PTPN4: variants seen among roughly 807,000 people sequenced by gnomAD.
PTPN4 encodes the protein tyrosine-protein phosphatase non-receptor type 4.
A neutral mutation model predicts 135.5 loss-of-function variants in PTPN4; 49 were observed. The ratio of observed to expected loss-of-function variants is 0.36; its 90% confidence interval spans 0.29 to 0.46. The LOEUF is 0.46. Among genes scored for constraint, PTPN4 ranks in the 20% least tolerant of loss-of-function variants. The probability of loss-of-function intolerance (pLI) is 1.00; values close to 1 mark genes in which losing one functional copy is unlikely to be tolerated. For synonymous variants in PTPN4, 333 were observed against 369.9 expected (o/e 0.90, Z 1.14); for missense variants, 860 against 1,101.0 (o/e 0.78, Z 3.10).
intron 15 of PTPN4, among the ~76,000 whole-genome samples, chr2:119,942,765 T>C (rs758894984): frequency 6.6e-6 from 1 of 152,212 alleles, no homozygotes; most frequent in Non-Finnish European, 1.5e-5. Flanking sequence ...TCCATCTCTG[T>C]GTGCTCTAAT....
chr2:119,917,339 A>G (rs1678667581), intron 11 of PTPN4, among the ~76,000 whole-genome samples: 1 of 152,242 alleles, frequency 6.6e-6, no homozygotes, highest in South Asian at 2.1e-4. Context: ...GTTCATAAGC[A>G]TGATGATTAG....
intron 1 of PTPN4, among the ~76,000 whole-genome samples, chr2:119,771,965 T>C (rs1180339121): frequency 6.6e-6 from 1 of 152,188 alleles, no homozygotes; most frequent in African/African-American, 2.4e-5. Flanking sequence ...TATCTCTCCA[T>C]CTCTCTATAA....
chr2:119,955,663 T>C (rs890152878), intron 20 of PTPN4, among the ~76,000 whole-genome samples: 11 of 151,932 alleles, frequency 7.2e-5, no homozygotes, highest in Non-Finnish European at 1.6e-4. Flanking sequence ...CTTGGCCAGG[T>C]GTGGTGGCTC....
At chr2:119,786,937 G>A (rs1265756998) in intron 1 of PTPN4, among the ~76,000 whole-genome samples, 1 of 152,170 alleles carries the variant, frequency 6.6e-6, no homozygotes, top group Non-Finnish European at 1.5e-5. Flanking sequence ...TTTAGGTTGG[G>A]CACTTACTAT....
chr2:119,764,821 C>G (rs1375690334), intron 1 of PTPN4, among the ~76,000 whole-genome samples: 3 of 152,052 alleles, frequency 2.0e-5, no homozygotes, highest in East Asian at 1.9e-4. Context: ...AACGTTTACC[C>G]TTGATCACCA....
At chr2:119,842,398 C>G (rs906293953) in intron 2 of PTPN4, among the ~76,000 whole-genome samples, 7 of 152,090 alleles carry the variant, frequency 4.6e-5, no homozygotes, top group Non-Finnish European at 7.4e-5. Context: ...TTGATTTTTA[C>G]TAGGGAAAGT....
At chr2:119,892,065 T>C (rs932163899) in intron 9 of PTPN4, among the ~76,000 whole-genome samples, 1 of 152,196 alleles carries the variant, frequency 6.6e-6, no homozygotes, top group Non-Finnish European at 1.5e-5. Context: ...TAGATAAAAC[T>C]GAACCCTCCC....
intron 9 of PTPN4, among the ~76,000 whole-genome samples, chr2:119,893,654 A>C (rs190935138): frequency 6.6e-6 from 1 of 152,322 alleles, no homozygotes; most frequent in East Asian, 1.9e-4. Context: ...ATTTGAAGAG[A>C]TGAAGAAGAA....
chr2:119,945,362 C>A, intron 16 of PTPN4, 122 bp downstream of exon 16: 1 of 866,248 alleles, frequency 1.2e-6, no homozygotes, highest in Non-Finnish European at 1.7e-6. Context: ...TCTTTTTCAT[C>A]ATATTCTTTG....
At chr2:119,911,070 C>T (rs1678564028) in intron 10 of PTPN4, among the ~76,000 whole-genome samples, 3 of 152,048 alleles carry the variant, frequency 2.0e-5, no homozygotes, top group Admixed American at 2.0e-4. Context: ...CTCCAGGCCC[C>T]TTGTTGTGAA....
chr2:119,968,816 CA>C (rs1330295515), intron 26 of PTPN4, among the ~76,000 whole-genome samples: 1 of 152,006 alleles, frequency 6.6e-6, no homozygotes, highest in African/African-American at 2.4e-5. Context: ...TACGTTGCAA[CA>C]ACAAAAATTA....
At chr2:119,800,879 T>C (rs1001759404) in intron 1 of PTPN4, among the ~76,000 whole-genome samples, 3 of 152,164 alleles carry the variant, frequency 2.0e-5, no homozygotes. Flanking sequence ...GCTGTACTTG[T>C]GTGGTAATTC....
chr2:119,939,698 C>A (rs1294916278), intron 15 of PTPN4, among the ~76,000 whole-genome samples: 1 of 152,132 alleles, frequency 6.6e-6, no homozygotes, highest in Non-Finnish European at 1.5e-5. Context: ...TTTGTCTATA[C>A]CTCTTCAGTT....
At chr2:119,887,503 A>G (rs1195164896) in intron 9 of PTPN4, among the ~76,000 whole-genome samples, 2 of 152,118 alleles carry the variant, frequency 1.3e-5, no homozygotes, top group Admixed American at 1.3e-4. Flanking sequence ...GTATTTTTAT[A>G]GTTTCGGGTA....
chr2:119,980,731 T>C lies in PTPN4; in HGVS notation c.*3661T>C, dbSNP rs1044406623. 1 of 151,966 alleles carries C rather than the reference T, an allele frequency of 6.6e-6. No individual in the cohort carries two copies. Among genetic ancestry groups the C allele is most frequent in the Admixed American group, 6.6e-5 (1 of 15,240 alleles). 9.4% of individuals were successfully genotyped at this position (151,966 alleles called of 1,614,324 possible). ...TTAGAAAATAAGCAGGCTTAAGAAG[T>C]GATTCTAATTAGGACCCCCACTCAG... is the stretch of plus-strand genomic sequence containing the variant. On this transcript the variant is annotated 3_prime_UTR_variant, in exon 27 of 27. Coordinates refer to ENST00000263708, the MANE Select transcript of PTPN4 (RefSeq NM_002830.4).
intron 2 of PTPN4, among the ~76,000 whole-genome samples, chr2:119,844,175 G>A (rs1165108142): frequency 6.7e-5 from 8 of 118,788 alleles, no homozygotes; most frequent in Admixed American, 4.8e-4. Flanking sequence ...CCTCCCTCCC[G>A]GACGGGGCGG....
intron 24 of PTPN4, 77 bp from the exon 25 acceptor site, chr2:119,965,420 G>A: frequency 1.5e-6 from 2 of 1,370,742 alleles, no homozygotes; most frequent in Admixed American, 4.7e-5. Flanking sequence ...CTTCTTTCCT[G>A]ATGAATTTTA....
At chr2:119,775,566 C>T (rs1208428233) in intron 1 of PTPN4, among the ~76,000 whole-genome samples, 2 of 152,158 alleles carry the variant, frequency 1.3e-5, no homozygotes, top group Admixed American at 1.3e-4. Flanking sequence ...GGGCTCATTA[C>T]ACATGATACT....
intron 3 of PTPN4, among the ~76,000 whole-genome samples, chr2:119,866,892 G>A (rs1677841839): frequency 6.6e-6 from 1 of 151,880 alleles, no homozygotes; most frequent in Non-Finnish European, 1.5e-5. Context: ...GCTCTTATTT[G>A]CCTGTTGTGT....
Sources: gnomAD v4.1 joint callset for allele counts (sites outside exome capture counted in the v4.1 genomes callset) on GRCh38, gnomAD v4.1.1 for gene constraint, MANE v1.5 for transcripts, NCBI Gene and HGNC (gene_info 2026-07-23, HGNC 2026-07-21) for gene names.